CHRM3: variants seen among roughly 807,000 people sequenced by gnomAD.
CHRM3 encodes cholinergic receptor muscarinic 3.
A neutral mutation model predicts 41.8 loss-of-function variants in CHRM3; 11 were observed. That is an observed-to-expected ratio of 0.26 (90% CI 0.17 to 0.44). CHRM3 has a LOEUF of 0.44. Among genes scored for constraint, CHRM3 ranks in the 20% least tolerant of loss-of-function variants. The pLI, the probability that CHRM3 is intolerant of heterozygous loss-of-function variation, is 1.00. For synonymous variants in CHRM3, 297 were observed against 301.4 expected (o/e 0.99, Z 0.15); for missense variants, 571 against 745.4 (o/e 0.77, Z 2.72).
intron 6 of CHRM3, among the ~76,000 whole-genome samples, chr1:239,859,456 C>T (rs1254560161): frequency 1.4e-5 from 2 of 139,552 alleles, no homozygotes; most frequent in African/African-American, 2.6e-5. Context: ...GGTGGAGTCT[C>T]ACTCTGTTGC....
intron 4 of CHRM3, among the ~76,000 whole-genome samples, chr1:239,638,963 G>C (rs1436179497): frequency 6.6e-6 from 1 of 152,106 alleles, no homozygotes; most frequent in Non-Finnish European, 1.5e-5. Flanking sequence ...AAGGGATCCA[G>C]TTTCAGCTTT....
rs553331797 is a variant in CHRM3, at chr1:239,395,650, G to T, written c.-521+8423G>T. Among the ~76,000 whole-genome samples, 9 of 152,286 alleles carry T rather than the reference G, an allele frequency of 5.9e-5. No individual in the cohort carries two copies. In the East Asian group the frequency reaches 1.7e-3, roughly 29 times the overall value. ...GACTCTGATCCATGAGGGCTGGGTT[G>T]GGGCCTGAGAATCTGCATTTCTAAC... On this transcript the variant is annotated intron_variant, in intron 1 of 6. Coordinates refer to ENST00000676153, the MANE Select transcript of CHRM3 (RefSeq NM_001375978.1).
intron 4 of CHRM3, among the ~76,000 whole-genome samples, chr1:239,662,945 C>CTT (rs1673405024): frequency 1.0e-5 from 1 of 95,370 alleles, no homozygotes; most frequent in Non-Finnish European, 2.1e-5. Context: ...TCTTCTTCTT[C>CTT]CTTCTCCTTT....
rs79394640 is a variant in CHRM3 at position 239,548,558 on chromosome 1, C to G, written c.-313+2809C>G. On this transcript the variant is annotated intron_variant, in intron 3 of 6. Transcript: ENST00000676153. The stretch of plus-strand genomic sequence containing the variant: ...TTTATTTTTGCAATAGCTTCTTCAG[C>G]CTTTATAGATTTTTCCCCTGATGAG... Among the ~76,000 whole-genome samples, 500 of 152,298 alleles carry G rather than the reference C, an allele frequency of 3.3e-3. 4 individuals are homozygous for G. Among genetic ancestry groups the G allele is most frequent in the African/African-American group, 0.011 (459 of 41,566 alleles).
At chr1:239,637,622 C>T (rs773801607) in intron 4 of CHRM3, among the ~76,000 whole-genome samples, 5 of 143,674 alleles carry the variant, frequency 3.5e-5, no homozygotes, top group African/African-American at 5.2e-5. Flanking sequence ...GCTCTTCACT[C>T]GTCCCAAGGT....
chr1:239,638,738 C>G (rs1292291521), intron 4 of CHRM3, among the ~76,000 whole-genome samples: 6 of 152,216 alleles, frequency 3.9e-5, no homozygotes, highest in East Asian at 1.9e-4. Context: ...ATGGTAGTTT[C>G]TTTTGCTGTG....
In CHRM3 at chr1:239,441,357, T is replaced by C. The variant is rs147437470; in HGVS notation, c.-520-51352T>C. Reference sequence around the variant, plus strand: ...CATTCTAAGTAAGGTCTTAGACTATTGTACCTTTCATCAGTATCTACTAAG... The same window carrying C: ...CATTCTAAGTAAGGTCTTAGACTATCGTACCTTTCATCAGTATCTACTAAG... On this transcript the variant is annotated intron_variant, in intron 1 of 6. Transcript: ENST00000676153. Among the ~76,000 whole-genome samples the C allele has an allele frequency of 1.1e-3, 165 of 152,366 alleles. No individual in the cohort carries two copies. The East Asian group carries it at 0.029, about 27-fold the overall frequency.
intron 6 of CHRM3, among the ~76,000 whole-genome samples, chr1:239,857,689 C>T (rs1455445775): frequency 6.6e-6 from 1 of 152,076 alleles, no homozygotes; most frequent in African/African-American, 2.4e-5. Context: ...ATATATCACT[C>T]GGTGTCTTTG....
intron 4 of CHRM3, among the ~76,000 whole-genome samples, chr1:239,672,644 G>A (rs1387551880): frequency 6.6e-6 from 1 of 151,344 alleles, no homozygotes; most frequent in Non-Finnish European, 1.5e-5. Context: ...AGGGGTAGGG[G>A]AGAAAGAATG....
intron 3 of CHRM3, among the ~76,000 whole-genome samples, chr1:239,588,560 T>G (rs1663681780): frequency 6.6e-6 from 1 of 152,210 alleles, no homozygotes; most frequent in African/African-American, 2.4e-5. Flanking sequence ...CTTCCTCCTG[T>G]GAACAAAAGA....
intron 2 of CHRM3, among the ~76,000 whole-genome samples, chr1:239,511,957 T>G (rs767414278): frequency 6.6e-6 from 1 of 152,126 alleles, no homozygotes; most frequent in Non-Finnish European, 1.5e-5. Context: ...GTAGGAACAT[T>G]AATTGATTAT....
chr1:239,729,991 A>G (rs1663810117), intron 5 of CHRM3, among the ~76,000 whole-genome samples: 1 of 151,938 alleles, frequency 6.6e-6, no homozygotes, highest in African/African-American at 2.4e-5. Flanking sequence ...AACCAAAACA[A>G]CTATCTTTGA....
chr1:239,685,517 G>C (rs1478883272), intron 5 of CHRM3, among the ~76,000 whole-genome samples: 1 of 152,014 alleles, frequency 6.6e-6, no homozygotes, highest in Non-Finnish European at 1.5e-5. Context: ...ATTGGGTTGT[G>C]GTACCTCTCA....
chr1:239,715,029 G>T (rs1205574231), intron 5 of CHRM3, among the ~76,000 whole-genome samples: 1 of 152,092 alleles, frequency 6.6e-6, no homozygotes, highest in Admixed American at 6.6e-5. Flanking sequence ...GGGAATTCAG[G>T]GAATGATGAT....
chr1:239,664,895 C>T (rs1005911977), intron 4 of CHRM3, among the ~76,000 whole-genome samples: 1 of 152,026 alleles, frequency 6.6e-6, no homozygotes, highest in Non-Finnish European at 1.5e-5. Flanking sequence ...TTTGCCAAAT[C>T]TCCCTCTCCC....
chr1:239,690,475 C>T (rs547837851), intron 5 of CHRM3, among the ~76,000 whole-genome samples: 33 of 152,076 alleles, frequency 2.2e-4, no homozygotes, highest in African/African-American at 7.5e-4. Context: ...ATGATCAGCC[C>T]GCCATAGCCT....
intron 5 of CHRM3, among the ~76,000 whole-genome samples, chr1:239,813,642 G>T (rs1671294897): frequency 6.6e-6 from 1 of 151,670 alleles, no homozygotes; most frequent in African/African-American, 2.4e-5. Context: ...AGTTGGCCGG[G>T]CGCGGTGGCT....
chr1:239,582,718 C>G (rs1426801146), intron 3 of CHRM3, among the ~76,000 whole-genome samples: 1 of 152,128 alleles, frequency 6.6e-6, no homozygotes, highest in Non-Finnish European at 1.5e-5. Context: ...TCCTGGGTTA[C>G]TAAAACAGCG....
chr1:239,474,397 G>A (rs961050621), intron 1 of CHRM3, among the ~76,000 whole-genome samples: 3 of 151,992 alleles, frequency 2.0e-5, no homozygotes, highest in African/African-American at 7.2e-5. Flanking sequence ...ACTTTAAGGA[G>A]TATCAGCATG....
Sources: allele counts gnomAD v4.1 joint callset (sites outside exome capture counted in the v4.1 genomes callset), GRCh38; gene constraint gnomAD v4.1.1; transcripts MANE v1.5; gene names NCBI Gene and HGNC (gene_info 2026-07-23, HGNC 2026-07-21).